RNGTT: variants seen among roughly 807,000 people sequenced by gnomAD.
The protein encoded by RNGTT is RNA guanylyltransferase and 5'-phosphatase.
In RNGTT, 33 loss-of-function variants were observed where a neutral mutation model predicts 79.3. That is an observed-to-expected ratio of 0.42 (90% CI 0.32 to 0.56). The LOEUF (loss-of-function observed/expected upper bound fraction) is 0.56. Ranked by LOEUF, RNGTT falls within the 20% of genes least tolerant of loss-of-function variation. The pLI, the probability that RNGTT is intolerant of heterozygous loss-of-function variation, is 0.17. For missense variants in RNGTT, 497 were observed against 739.1 expected, an observed-to-expected ratio of 0.67 and a Z score of 3.80; for synonymous variants, 222 against 235.9, an observed-to-expected ratio of 0.94 and a Z score of 0.54.
chr6:88,704,345 T>C (rs1776059108), intron 13 of RNGTT, among the ~76,000 whole-genome samples: 1 of 151,882 alleles, frequency 6.6e-6, no homozygotes, highest in African/African-American at 2.4e-5. Flanking sequence ...TGTATTTTAT[T>C]GATTTTGTTT....
rs1161304602 is a variant in RNGTT, at chr6:88,930,563, ATT to A, written c.175-1298_175-1297del. Reference sequence around the variant, plus strand: ...GGTAAATTGTTTAAAAAAAAGTTTCATTTTCTGTAAAACGAACGCATATAAAA... The same window carrying A: ...GGTAAATTGTTTAAAAAAAAGTTTCATTCTGTAAAACGAACGCATATAAAA... On this transcript the variant is annotated intron_variant, in intron 2 of 15. Transcript: ENST00000369485. 3.3e-5 allele frequency among the ~76,000 whole-genome samples: 5 copies of A among 152,228 alleles called. No homozygotes were observed. In the East Asian group the frequency reaches 9.6e-4, roughly 29 times the overall value.
rs574113170 is a variant in RNGTT, at chr6:88,747,056, C to T, written c.1439+22718G>A. Among the ~76,000 whole-genome samples, 8 of 152,244 alleles carry T rather than the reference C, an allele frequency of 5.3e-5. No homozygotes were observed. The East Asian group carries it at 9.7e-4, about 18-fold the overall frequency. On this transcript the variant is annotated intron_variant, in intron 13 of 15. Transcript: ENST00000369485. ...AGACATACTTAATAACCGGCAGAAT[C>T]CCCATAGGCACTCTCTTACACATGG...
intron 1 of RNGTT, among the ~76,000 whole-genome samples, chr6:88,946,214 TTTATTA>T (rs1358010864): frequency 2.6e-5 from 4 of 152,208 alleles, no homozygotes; most frequent in Non-Finnish European, 5.9e-5. Flanking sequence ...TTCAAGCTTT[TTTATTA>T]TTATTATATT....
chr6:88,709,358 C>A (rs1477093207), intron 13 of RNGTT, among the ~76,000 whole-genome samples: 1 of 151,378 alleles, frequency 6.6e-6, no homozygotes, highest in Non-Finnish European at 1.5e-5. Flanking sequence ...ACACTAACAG[C>A]TCTCAAACTG....
At chr6:88,707,940 T>C (rs1328452636) in intron 13 of RNGTT, among the ~76,000 whole-genome samples, 1 of 151,912 alleles carries the variant, frequency 6.6e-6, no homozygotes, top group Non-Finnish European at 1.5e-5. Context: ...TATTATGTTT[T>C]AATAAAAGAA....
chr6:88,701,697 G>T (rs1213571763), intron 13 of RNGTT, among the ~76,000 whole-genome samples: 1 of 151,994 alleles, frequency 6.6e-6, no homozygotes, highest in African/African-American at 2.4e-5. Context: ...TAGGTCCCAT[G>T]ATTATATTCA....
intron 11 of RNGTT, among the ~76,000 whole-genome samples, chr6:88,826,803 T>A (rs13207980): frequency 0.1 from 10,872 of 104,622 alleles, 637 homozygotes; most frequent in Non-Finnish European, 0.14. Flanking sequence ...AAAAAAAATA[T>A]ATATATATAT....
intron 8 of RNGTT, among the ~76,000 whole-genome samples, chr6:88,858,285 T>C (rs1460734663): frequency 6.6e-6 from 1 of 152,182 alleles, no homozygotes; most frequent in Non-Finnish European, 1.5e-5. Flanking sequence ...CCAGTCTAGA[T>C]GCTAGGCAGT....
chr6:88,741,543 C>T (rs545053466), intron 13 of RNGTT, among the ~76,000 whole-genome samples: 5 of 151,864 alleles, frequency 3.3e-5, no homozygotes, highest in Non-Finnish European at 2.9e-5. Flanking sequence ...CACAATATAC[C>T]CCATGTTACA....
intron 6 of RNGTT, among the ~76,000 whole-genome samples, chr6:88,900,552 G>C (rs1783415612): frequency 6.6e-6 from 1 of 151,880 alleles, no homozygotes; most frequent in Non-Finnish European, 1.5e-5. Flanking sequence ...TGGCCAACAT[G>C]GTGAAACCCC....
At chr6:88,871,364 T>C (rs1430349731) in intron 8 of RNGTT, among the ~76,000 whole-genome samples, 2 of 152,248 alleles carry the variant, frequency 1.3e-5, no homozygotes, top group East Asian at 1.9e-4. Context: ...TTTTTTTTTT[T>C]TTAAGTATAA....
In RNGTT at chr6:88,827,392, C is replaced by G. The variant is rs539727249; in HGVS notation, c.1269+16965G>C. Reference sequence around the variant, plus strand: ...ACGCTCTTCCCACAGTCTTTGCAACCTGCAGACCGGTAGATTCCCTCGGAT... The same window carrying G: ...ACGCTCTTCCCACAGTCTTTGCAACGTGCAGACCGGTAGATTCCCTCGGAT... On this transcript the variant is annotated intron_variant, in intron 11 of 15. Transcript: ENST00000369485. Among the ~76,000 whole-genome samples the G allele has an allele frequency of 1.2e-4, 19 of 152,338 alleles. No individual in the cohort carries two copies. In the South Asian group the frequency reaches 3.7e-3, roughly 30 times the overall value.
At chr6:88,882,443 C>A (rs778002447) in intron 8 of RNGTT, among the ~76,000 whole-genome samples, 33 of 152,292 alleles carry the variant, frequency 2.2e-4, no homozygotes, top group Middle Eastern at 3.4e-3. Flanking sequence ...CAGTACCTGA[C>A]ACACAGAGGA....
At chr6:88,685,375 G>A (rs971833267) in intron 13 of RNGTT, among the ~76,000 whole-genome samples, 3 of 152,194 alleles carry the variant, frequency 2.0e-5, no homozygotes, top group South Asian at 2.1e-4. Flanking sequence ...ACTGTATGCC[G>A]AAAGAGAAAG....
chr6:88,761,008 G>C (rs1336865363), intron 13 of RNGTT, among the ~76,000 whole-genome samples: 1 of 107,282 alleles, frequency 9.3e-6, no homozygotes, highest in African/African-American at 3.5e-5. Context: ...ATGAATTGAA[G>C]CAAAAGAAAT....
chr6:88,739,725 T>TTATTTATATATATATATATATA (rs1777405492), intron 13 of RNGTT, among the ~76,000 whole-genome samples: 1 of 94,152 alleles, frequency 1.1e-5, no homozygotes, highest in African/African-American at 4.6e-5. Context: ...GTGAAAAAAA[T>TTATTTATATATATATATATATA]TATATATATA....
chr6:88,769,894 T>C lies in RNGTT; in HGVS notation c.1339-20A>G, dbSNP rs745829188. ...GTATTTCTAAAGCCAATTAAAATGATGACAATCGTTACTAAGAAGTTAAAA... is the reference window on the plus strand; with the variant it reads ...GTATTTCTAAAGCCAATTAAAATGACGACAATCGTTACTAAGAAGTTAAAA... On this transcript the variant is annotated intron_variant, in intron 12 of 15. Coordinates refer to ENST00000369485, the MANE Select transcript of RNGTT (RefSeq NM_003800.5). 2.2e-5 allele frequency: 33 copies of C among 1,531,654 alleles called. No individual in the cohort carries two copies. Among genetic ancestry groups the C allele is most frequent in the African/African-American group, 2.7e-5 (2 of 73,206 alleles). The allele number at this position is 1,531,654 out of a possible 1,614,324, so 94.9% of individuals were successfully genotyped here.
chr6:88,915,638 A>G (rs1271266829), intron 4 of RNGTT, among the ~76,000 whole-genome samples: 1 of 152,204 alleles, frequency 6.6e-6, no homozygotes, highest in Non-Finnish European at 1.5e-5. Flanking sequence ...AACAAGGGCA[A>G]GGGCTGAAAA....
In RNGTT at chr6:88,892,298, A is replaced by T. The variant is rs190787120; in HGVS notation, c.685-383T>A. On this transcript the variant is annotated intron_variant, in intron 6 of 15. Coordinates refer to ENST00000369485, the MANE Select transcript of RNGTT (RefSeq NM_003800.5). ...TCAAAGATGAGTAAATAAGGCACAA[A>T]GATTTTATGTAAATCAAGTGGTAAA... Among the ~76,000 whole-genome samples, 23 of 152,262 alleles carry T rather than the reference A, an allele frequency of 1.5e-4. No individual in the cohort carries two copies. In the South Asian group the frequency reaches 1.7e-3, roughly 11 times the overall value.
Sources: gnomAD v4.1 joint callset for allele counts (sites outside exome capture counted in the v4.1 genomes callset) on GRCh38, gnomAD v4.1.1 for gene constraint, MANE v1.5 for transcripts, NCBI Gene and HGNC (gene_info 2026-07-23, HGNC 2026-07-21) for gene names.